The following RGPD1 variants were observed in gnomAD, a reference collection of about 807,000 sequenced individuals.
The protein encoded by RGPD1 is RANBP2 like and GRIP domain containing 1, also known as RANBP2-like and GRIP domain-containing protein 1.
Under a neutral mutation model 40.6 loss-of-function variants are expected in RGPD1, and 7 were observed. The observed-to-expected ratio is 0.17, with a 90% CI of 0.10 to 0.32. The LOEUF (loss-of-function observed/expected upper bound fraction) is 0.32, where lower values mean the gene tolerates loss of function less well. RGPD1 is among the 10% of genes least tolerant of loss of function. RGPD1 has a pLI of 1.00. For synonymous variants in RGPD1, 24 were observed against 167.0 expected (o/e 0.14, Z 6.60); for missense variants, 50 against 472.5 (o/e 0.11, Z 8.29).
At chr2:86,920,667 TATTGC>T (rs1329185384) in intron 1 of RGPD1, among the ~76,000 whole-genome samples, 1 of 130,388 alleles carries the variant, frequency 7.7e-6, no homozygotes, top group Non-Finnish European at 1.6e-5. Context: ...TTGACTTACT[TATTGC>T]ATGATAATTA....
At chr2:86,914,662 CGGCGGCCTCGACCTGGCCG>C (rs1321864262) in intron 1 of RGPD1, among the ~76,000 whole-genome samples, 3 of 50,086 alleles carry the variant, frequency 6.0e-5, no homozygotes, top group Non-Finnish European at 1.2e-4. Context: ...GCGGCGGCGG[CGGCGGCCTCGACCTGGCCG>C]GGCGGCGGCG....
rs1018400493 is a variant in RGPD1 at position 86,960,560 on chromosome 2, AG to A, written c.779+2136del. ...TAATTTTTGTATTTTTAGTAGAAAC[AG>A]GGTTTCATCATGTTGGCCAGGATGG... On this transcript the variant is annotated intron_variant, in intron 6 of 22. Coordinates refer to ENST00000641458, the MANE Select transcript of RGPD1 (RefSeq NM_001382344.1). Among the ~76,000 whole-genome samples, 4 of 119,692 alleles carry A rather than the reference AG, an allele frequency of 3.3e-5. 1 individual carries two copies. Among genetic ancestry groups the A allele is most frequent in the African/African-American group, 1.6e-4 (4 of 24,660 alleles). The allele number at this position is 119,692 out of a possible 152,430, so 78.5% of individuals were successfully genotyped here.
At chr2:86,942,487 G>A (rs1037784158) in intron 1 of RGPD1, among the ~76,000 whole-genome samples, 179 bp downstream of exon 1, 2 of 128,618 alleles carry the variant, frequency 1.6e-5, no homozygotes, top group African/African-American at 2.9e-5. Context: ...CTGGCCGGGC[G>A]GCGGCGGCGG....
intron 4 of RGPD1, among the ~76,000 whole-genome samples, chr2:86,955,970 G>T (rs1680700616): frequency 6.6e-6 from 1 of 150,596 alleles, no homozygotes; most frequent in Non-Finnish European, 1.5e-5. Context: ...ACTCTTTAAA[G>T]ATTTTCTTTA....
At chr2:86,932,042 A>T (rs1679030466) in intron 1 of RGPD1, among the ~76,000 whole-genome samples, 1 of 147,852 alleles carries the variant, frequency 6.8e-6, no homozygotes, top group South Asian at 2.1e-4. Context: ...TATTCATTTT[A>T]TAGTTTAGGA....
At chr2:86,914,097 CGG>C (rs1677601141) in intron 1 of RGPD1, among the ~76,000 whole-genome samples, 6 of 95,690 alleles carry the variant, frequency 6.3e-5, no homozygotes, top group Non-Finnish European at 1.0e-4. Flanking sequence ...GCGGCGGCGG[CGG>C]CGGCGGCGGC....
chr2:87,008,977 A>T lies in RGPD1; in HGVS notation c.5237-3536A>T, dbSNP rs1332782858. ...GTGAGACAATTACAAAAGGTGGAAC[A>T]TGGAGACTTTTTGGAAATACCAGAA... On this transcript the variant is annotated intron_variant, in intron 22 of 22. Coordinates refer to ENST00000641458, the MANE Select transcript of RGPD1 (RefSeq NM_001382344.1). Among the ~76,000 whole-genome samples, 2 of 147,996 alleles carry T rather than the reference A, an allele frequency of 1.4e-5. 1 individual carries two copies. The highest frequency in any genetic ancestry group is 5.1e-5 in the African/African-American group (2 of 39,500).
At chr2:86,993,216 C>T (rs1410426175) in intron 20 of RGPD1, among the ~76,000 whole-genome samples, 3 of 151,940 alleles carry the variant, frequency 2.0e-5, no homozygotes, top group Non-Finnish European at 4.4e-5. Context: ...AAACACAGAC[C>T]TCCCGCTTCT....
At chr2:86,913,969 G>A (rs1307041501) in intron 1 of RGPD1, 1 of 1,148,380 alleles carries the variant, frequency 8.7e-7, no homozygotes, top group Non-Finnish European at 1.1e-6. Context: ...GCGGGGCGGT[G>A]GCCTCGACCT....
intron 1 of RGPD1, among the ~76,000 whole-genome samples, chr2:86,924,683 G>C (rs547570078): frequency 6.6e-6 from 1 of 151,344 alleles, no homozygotes; most frequent in African/African-American, 2.4e-5. Flanking sequence ...TGTTGCCCAG[G>C]CTGGTCTCAA....
At chr2:86,944,182 ATAGG>A (rs904280067) in intron 1 of RGPD1, among the ~76,000 whole-genome samples, 10 of 152,112 alleles carry the variant, frequency 6.6e-5, no homozygotes, top group African/African-American at 2.2e-4. Flanking sequence ...TCAGGGTGAA[ATAGG>A]TAGTGCAGCA....
At chr2:86,945,799 C>T (rs1483629346) in intron 1 of RGPD1, among the ~76,000 whole-genome samples, 2 of 145,786 alleles carry the variant, frequency 1.4e-5, no homozygotes, top group African/African-American at 2.6e-5. Context: ...ATTGCTTGAA[C>T]CCTGGAGGCA....
chr2:86,930,666 C>T (rs1291289601), intron 1 of RGPD1: 46 of 1,610,898 alleles, frequency 2.9e-5, no homozygotes, highest in Non-Finnish European at 3.9e-5. Context: ...GTTGTTCACT[C>T]CTGGGCACAG....
chr2:86,930,632 A>G (rs1678874158), intron 1 of RGPD1: 1 of 1,611,630 alleles, frequency 6.2e-7, no homozygotes, highest in African/African-American at 1.3e-5. Flanking sequence ...CGCAGCAGTG[A>G]ACACTCTCAC....
At chr2:86,913,991 GGC>G (rs1677577355) in intron 1 of RGPD1, 1 of 944,536 alleles carries the variant, frequency 1.1e-6, no homozygotes, top group Non-Finnish European at 1.3e-6. Flanking sequence ...GCCGGGCGGC[GGC>G]GGCGGCCTCG....
Position 86,913,996 on chromosome 2 carries a change from CG to C in RGPD1, c.72+77del. ...CCTCGACCTGGCCGGGCGGCGGCGG[CG>C]GCCTCGGCCTCGGCCTGGCCGGGCG... is the stretch of plus-strand genomic sequence containing the variant. On this transcript the variant is annotated intron_variant, in intron 1 of 22. Coordinates refer to the RGPD1 transcript ENST00000398193. The C allele has an allele frequency of 4.0e-6, 3 of 747,770 alleles. 1 individual carries two copies. Among genetic ancestry groups the C allele is most frequent in the Non-Finnish European group, 4.7e-6 (3 of 642,428 alleles). 46.3% of individuals were successfully genotyped at this position (747,770 alleles called of 1,614,324 possible). A position where few individuals can be genotyped will look rare whatever the true frequency, so the allele number is the denominator to read the frequency against.
Position 86,933,089 on chromosome 2 carries a change from A to T in RGPD1, c.73-18207A>T, listed in dbSNP as rs1195874046. 1.4e-5 allele frequency among the ~76,000 whole-genome samples: 2 copies of T among 147,130 alleles called. 1 individual carries two copies. Among genetic ancestry groups the T allele is most frequent in the Non-Finnish European group, 3.0e-5 (2 of 65,856 alleles). Reference sequence around the variant, plus strand: ...AACTTTCTTCCTCTAACGTCTTTATATGTGTCTGTGTTTATATATACGTGT... The same window carrying T: ...AACTTTCTTCCTCTAACGTCTTTATTTGTGTCTGTGTTTATATATACGTGT... On this transcript the variant is annotated intron_variant, in intron 1 of 22. Coordinates refer to the RGPD1 transcript ENST00000398193.
chr2:86,930,757 CT>C (rs1678891322), intron 1 of RGPD1: 1 of 1,407,756 alleles, frequency 7.1e-7, no homozygotes, highest in East Asian at 2.6e-5. Flanking sequence ...CGAGCCATAC[CT>C]CCACCTACAG....
upstream of RGPD1, among the ~76,000 whole-genome samples, chr2:86,939,398 GT>G (rs1261013255): frequency 1.3e-5 from 2 of 150,060 alleles, no homozygotes; most frequent in Non-Finnish European, 3.0e-5. Context: ...GTCCAACATG[GT>G]GAAACCCCGT....
Sources: allele counts gnomAD v4.1 joint callset (sites outside exome capture counted in the v4.1 genomes callset), GRCh38; gene constraint gnomAD v4.1.1; transcripts MANE v1.5; gene names NCBI Gene and HGNC (gene_info 2026-07-23, HGNC 2026-07-21).